The following RAPGEF1 variants were observed in gnomAD, a reference collection of about 807,000 sequenced individuals.
RAPGEF1 encodes the protein CRK SH3-binding GNRP.
In RAPGEF1, 33 loss-of-function variants were observed where a neutral mutation model predicts 143.3. That is an observed-to-expected ratio of 0.23 (90% confidence interval 0.17 to 0.31). RAPGEF1 has a LOEUF of 0.31. Among genes scored for constraint, RAPGEF1 ranks in the 10% least tolerant of loss-of-function variants. RAPGEF1 has a pLI of 1.00. For missense variants in RAPGEF1, 1,199 were observed against 1,645.4 expected (o/e 0.73, Z 4.69); for synonymous variants, 629 against 676.5 (o/e 0.93, Z 1.09).
intron 4 of RAPGEF1, among the ~76,000 whole-genome samples, chr9:131,642,047 C>G (rs922713696): frequency 6.6e-6 from 1 of 152,206 alleles, no homozygotes; most frequent in East Asian, 1.9e-4. Context: ...TTATCCTGAA[C>G]AGGTACCATG....
At chr9:131,604,149 T>G (rs1285320646) in intron 13 of RAPGEF1, 96 bp from the exon 14 acceptor site, 1 of 709,182 alleles carries the variant, frequency 1.4e-6, no homozygotes, top group Admixed American at 2.6e-5. Flanking sequence ...CACTCTGGTC[T>G]TCCCAGGTGC....
intron 4 of RAPGEF1, among the ~76,000 whole-genome samples, chr9:131,640,449 C>A (rs1406243711): frequency 2.6e-5 from 4 of 152,230 alleles, no homozygotes; most frequent in Non-Finnish European, 5.9e-5. Flanking sequence ...TCCAGCCTTC[C>A]CGTCATTAGC....
chr9:131,677,417 A>G (rs1832503600), intron 1 of RAPGEF1, among the ~76,000 whole-genome samples: 1 of 152,384 alleles, frequency 6.6e-6, no homozygotes, highest in African/African-American at 2.4e-5. Flanking sequence ...ACAGGAATCA[A>G]CTGGAAAATT....
intron 1 of RAPGEF1, chr9:131,725,083 T>C (rs1383276408): frequency 6.6e-6 from 1 of 152,258 alleles, no homozygotes. Flanking sequence ...TCCTCATGGG[T>C]GTGAGCTGGT....
At chr9:131,617,816 C>A (rs1381650773) in intron 12 of RAPGEF1, among the ~76,000 whole-genome samples, 24 of 152,336 alleles carry the variant, frequency 1.6e-4, no homozygotes. Context: ...GGGAGAATTG[C>A]ACTGCCCAAG....
chr9:131,730,847 C>T (rs1256478034), intron 1 of RAPGEF1, among the ~76,000 whole-genome samples: 4 of 152,082 alleles, frequency 2.6e-5, no homozygotes, highest in Admixed American at 1.3e-4. Flanking sequence ...GCAAGGCTTC[C>T]GCAGCCCCCT....
At chr9:131,632,262 G>A (rs1167862731) in intron 5 of RAPGEF1, among the ~76,000 whole-genome samples, 1 of 151,664 alleles carries the variant, frequency 6.6e-6, no homozygotes, top group African/African-American at 2.4e-5. Context: ...CCGAGTAGCT[G>A]GGACTACAGG....
intron 22 of RAPGEF1, among the ~76,000 whole-genome samples, chr9:131,587,159 C>CACA (rs1289912896): frequency 7.0e-5 from 9 of 127,810 alleles, no homozygotes; most frequent in African/African-American, 2.6e-4. Context: ...CACACACACA[C>CACA]CTGCAGAGCG....
chr9:131,728,360 C>T (rs946863862), intron 1 of RAPGEF1, among the ~76,000 whole-genome samples: 1 of 152,166 alleles, frequency 6.6e-6, no homozygotes, highest in Non-Finnish European at 1.5e-5. Flanking sequence ...AATTAATCCC[C>T]GAAAGTCACC....
chr9:131,680,707 T>C (rs1290507871), intron 1 of RAPGEF1, among the ~76,000 whole-genome samples: 2 of 152,212 alleles, frequency 1.3e-5, no homozygotes, highest in Admixed American at 1.3e-4. Context: ...ATAGAAACAA[T>C]GCTAATGACT....
chr9:131,669,669 A>T (rs1008421642), intron 1 of RAPGEF1, among the ~76,000 whole-genome samples: 9 of 152,204 alleles, frequency 5.9e-5, no homozygotes, highest in Non-Finnish European at 1.3e-4. Flanking sequence ...AAGCATGCAG[A>T]GGGCTGGGAT....
chr9:131,669,192 A>G (rs1440954187), intron 1 of RAPGEF1, among the ~76,000 whole-genome samples: 1 of 152,226 alleles, frequency 6.6e-6, no homozygotes, highest in African/African-American at 2.4e-5. Flanking sequence ...GAGAACTCAC[A>G]GTTTGACAGG....
At chr9:131,737,368 C>G in intron 1 of RAPGEF1, 1 of 1,613,756 alleles carries the variant, frequency 6.2e-7, no homozygotes, top group Non-Finnish European at 8.5e-7. Flanking sequence ...CCTCCAGTGT[C>G]TTCCTCATTC....
intron 12 of RAPGEF1, among the ~76,000 whole-genome samples, chr9:131,618,800 T>C (rs1050317804): frequency 2.0e-4 from 30 of 152,148 alleles, no homozygotes; most frequent in Non-Finnish European, 3.7e-4. Flanking sequence ...TCTCTGTCAG[T>C]TTATGCCAGA....
rs1952375980 is a variant in RAPGEF1, at chr9:131,584,417, C to A, written c.3313-5G>T. On this transcript the variant is annotated splice_polypyrimidine_tract_variant and splice_region_variant and intron_variant, in intron 23 of 26. Transcript: ENST00000683357. This position sits in a 1 kb window ranked among gnomAD's most constrained non-coding sequence, Gnocchi z 6.8. ...GTTATTCAGCTTCCGCAAGTGCTGC[C>A]GAGAGAGGGGCGGTGCCGTGAGGCA... The A allele has an allele frequency of 1.9e-6, 3 of 1,613,776 alleles. No homozygotes were observed. The highest frequency in any genetic ancestry group is 2.5e-6 in the Non-Finnish European group (3 of 1,179,780).
chr9:131,731,655 A>G (rs913714516), intron 1 of RAPGEF1, among the ~76,000 whole-genome samples: 1 of 152,226 alleles, frequency 6.6e-6, no homozygotes, highest in African/African-American at 2.4e-5. Flanking sequence ...TTTAAAAGCT[A>G]TAGAGCAAAT....
intron 1 of RAPGEF1, among the ~76,000 whole-genome samples, chr9:131,676,540 G>C (rs532511792): frequency 1.1e-4 from 17 of 152,352 alleles, no homozygotes; most frequent in Non-Finnish European, 2.4e-4. Context: ...AGAGTGGCTG[G>C]TGCAGCTAAC....
chr9:131,698,259 G>C (rs144539432), intron 1 of RAPGEF1, among the ~76,000 whole-genome samples: 1 of 152,272 alleles, frequency 6.6e-6, no homozygotes, highest in Non-Finnish European at 1.5e-5. Context: ...AGGGAGGAGG[G>C]GCCCTCTAGT....
At chr9:131,645,901 A>G (rs1588718864) in intron 3 of RAPGEF1, among the ~76,000 whole-genome samples, 1 of 152,202 alleles carries the variant, frequency 6.6e-6, no homozygotes, top group African/African-American at 2.4e-5. Context: ...CAAAATGGGG[A>G]GAATAACATC....
Sources: gnomAD v4.1 joint callset for allele counts (sites outside exome capture counted in the v4.1 genomes callset) on GRCh38, gnomAD v4.1.1 for gene constraint, Gnocchi (gnomAD v3.1) non-coding constraint, MANE v1.5 for transcripts, NCBI Gene and HGNC (gene_info 2026-07-23, HGNC 2026-07-21) for gene names.